PALM2AKAP2: variants seen among roughly 807,000 people sequenced by gnomAD.
The protein encoded by PALM2AKAP2 is PALM2-AKAP2 fusion protein.
PALM2AKAP2 carries 37 observed loss-of-function variants against 71.5 expected under a neutral mutation model. The observed-to-expected ratio is 0.52, with a 90% CI of 0.40 to 0.68. The LOEUF is 0.68. Among genes scored for constraint, PALM2AKAP2 ranks in the 30% least tolerant of loss-of-function variants. The probability of loss-of-function intolerance (pLI) is 0.00; values close to 1 mark genes in which losing one functional copy is unlikely to be tolerated. For synonymous variants in PALM2AKAP2, 468 were observed against 478.8 expected (o/e 0.98, Z 0.29); for missense variants, 1,224 against 1,191.8 (o/e 1.03, Z -0.40).
At chr9:109,725,975 C>A (rs1422803940) in intron 1 of PALM2AKAP2, among the ~76,000 whole-genome samples, 1 of 152,188 alleles carries the variant, frequency 6.6e-6, no homozygotes, top group Non-Finnish European at 1.5e-5. Context: ...GCACGTAGTG[C>A]CTCATATGCC....
At chr9:109,713,756 G>A (rs915276968) in intron 1 of PALM2AKAP2, among the ~76,000 whole-genome samples, 2 of 152,220 alleles carry the variant, frequency 1.3e-5, no homozygotes, top group African/African-American at 4.8e-5. Context: ...AACCTGGAAG[G>A]AGGAAGGGAT....
intron 1 of PALM2AKAP2, among the ~76,000 whole-genome samples, chr9:109,727,866 C>T (rs1284375777): frequency 2.0e-5 from 3 of 152,158 alleles, no homozygotes; most frequent in African/African-American, 7.2e-5. Flanking sequence ...GAAAATGATT[C>T]CATTGTTGTT....
intron 1 of PALM2AKAP2, among the ~76,000 whole-genome samples, chr9:110,075,027 A>AAAAAG (rs1421325336): frequency 7.1e-6 from 1 of 140,212 alleles, no homozygotes; most frequent in African/African-American, 3.2e-5. Flanking sequence ...AAAGAAAAAG[A>AAAAAG]AAAAAAAAAG....
chr9:109,742,250 TTCACACACAC>T (rs1828726011), intron 1 of PALM2AKAP2, among the ~76,000 whole-genome samples: 1 of 124,162 alleles, frequency 8.1e-6, no homozygotes. Flanking sequence ...ATGTGATGTA[TTCACACACAC>T]ACACACACAC....
chr9:109,925,057 AC>A lies in PALM2AKAP2; in HGVS notation c.373-3del. ...AACGCTCTGCCTTGTTTTTGTTCCT[AC>A]AGGGTTTCTCCAGTACGGATGGAGG... On this transcript the variant is annotated splice_region_variant and splice_polypyrimidine_tract_variant and intron_variant, in intron 4 of 9. Transcript: ENST00000302798. 6.2e-7 allele frequency: 1 copy of A among 1,614,112 alleles called. No homozygotes were observed. Among genetic ancestry groups the A allele is most frequent in the Non-Finnish European group, 8.5e-7 (1 of 1,179,992 alleles).
intron 7 of PALM2AKAP2, among the ~76,000 whole-genome samples, chr9:110,026,529 G>A (rs1833184822): frequency 6.6e-6 from 1 of 151,994 alleles, no homozygotes; most frequent in Non-Finnish European, 1.5e-5. Flanking sequence ...TGTGGCGTTA[G>A]GTACATTCAA....
chr9:109,917,643 C>T (rs1465490326), intron 3 of PALM2AKAP2, among the ~76,000 whole-genome samples: 5 of 151,992 alleles, frequency 3.3e-5, no homozygotes, highest in Non-Finnish European at 7.4e-5. Flanking sequence ...TATATGTCAC[C>T]ATGCCCAGCT....
At chr9:109,886,847 T>C (rs1829977463) in intron 3 of PALM2AKAP2, among the ~76,000 whole-genome samples, 1 of 152,200 alleles carries the variant, frequency 6.6e-6, no homozygotes, top group Non-Finnish European at 1.5e-5. Flanking sequence ...CTCAAAAAAC[T>C]AAAGGCTAGG....
intron 1 of PALM2AKAP2, chr9:110,127,922 G>A (rs558445452): frequency 6.6e-6 from 1 of 152,496 alleles, no homozygotes; most frequent in Non-Finnish European, 1.5e-5. Context: ...GCTGGGGATG[G>A]CGGATCACCT....
At chr9:109,801,963 C>T (rs1827443250) in intron 1 of PALM2AKAP2, among the ~76,000 whole-genome samples, 1 of 152,138 alleles carries the variant, frequency 6.6e-6, no homozygotes, top group Non-Finnish European at 1.5e-5. Context: ...AGATCAAGTT[C>T]CTGATGAATG....
chr9:109,983,643 T>A (rs935574124), intron 6 of PALM2AKAP2, among the ~76,000 whole-genome samples: 1 of 152,198 alleles, frequency 6.6e-6, no homozygotes, highest in East Asian at 1.9e-4. Context: ...AGTGGATGGA[T>A]CACTTGAGGC....
chr9:109,859,739 C>T (rs1344788245), intron 1 of PALM2AKAP2, among the ~76,000 whole-genome samples: 3 of 152,182 alleles, frequency 2.0e-5, no homozygotes, highest in Non-Finnish European at 2.9e-5. Flanking sequence ...TGGAATTATC[C>T]ACTTCACCTG....
At chr9:109,938,678 A>G (rs1020084868) in intron 6 of PALM2AKAP2, among the ~76,000 whole-genome samples, 1 of 152,158 alleles carries the variant, frequency 6.6e-6, no homozygotes. Flanking sequence ...AAAATTGCAC[A>G]CCAAAAAACC....
At chr9:109,792,056 TG>T (rs1564150620) in intron 1 of PALM2AKAP2, among the ~76,000 whole-genome samples, 1 of 152,186 alleles carries the variant, frequency 6.6e-6, no homozygotes, top group African/African-American at 2.4e-5. Context: ...GAATGGGGGC[TG>T]GGGGGTTGGT....
At chr9:109,770,584 G>A (rs1383899419) in intron 1 of PALM2AKAP2, among the ~76,000 whole-genome samples, 2 of 152,156 alleles carry the variant, frequency 1.3e-5, no homozygotes, top group Non-Finnish European at 2.9e-5. Flanking sequence ...AAAAGACCTT[G>A]GATTGCAAAT....
chr9:110,048,626 A>C (rs1833644698), upstream of PALM2AKAP2: 2 of 1,365,912 alleles, frequency 1.5e-6, no homozygotes, highest in Non-Finnish European at 1.9e-6. Flanking sequence ...GAGGCGGGGA[A>C]GGGGCGGGCC....
At position 110,165,284 on chromosome 9, in the gene PALM2AKAP2, T is replaced by TCACACACA. The variant is rs58758256; in HGVS notation, c.2749-3077_2749-3070dup. Among the ~76,000 whole-genome samples the TCACACACA allele has an allele frequency of 3.4e-3, 477 of 142,364 alleles. 5 individuals carry two copies. Among genetic ancestry groups the TCACACACA allele is most frequent in the Middle Eastern group, 0.011 (3 of 274 alleles). 93.4% of individuals were successfully genotyped at this position (142,364 alleles called of 152,430 possible). A position where few individuals can be genotyped will look rare whatever the true frequency, so the allele number is the denominator to read the frequency against. On this transcript the variant is annotated intron_variant, in intron 3 of 3. Coordinates refer to ENST00000374525, the Ensembl canonical transcript of PALM2AKAP2. ...TAAAAGCTCTAAATTTGCTAGAGAT[T>TCACACACA]CACACACACACACACACACACACAC...
At chr9:109,721,416 CTTGTCAG>C (rs1828403195) in intron 1 of PALM2AKAP2, among the ~76,000 whole-genome samples, 1 of 152,198 alleles carries the variant, frequency 6.6e-6, no homozygotes. Context: ...ATTTTAATTC[CTTGTCAG>C]AATATTCCAA....
intron 6 of PALM2AKAP2, among the ~76,000 whole-genome samples, chr9:109,996,843 C>A (rs1296897419): frequency 6.6e-6 from 1 of 152,184 alleles, no homozygotes; most frequent in African/African-American, 2.4e-5. Flanking sequence ...TGCGTACACA[C>A]AAGCCTGCAC....
Sources: gnomAD v4.1 joint callset for allele counts (sites outside exome capture counted in the v4.1 genomes callset) on GRCh38, gnomAD v4.1.1 for gene constraint, MANE v1.5 for transcripts, NCBI Gene and HGNC (gene_info 2026-07-23, HGNC 2026-07-21) for gene names.